Variants in NLRP1 observed in about 807,000 individuals in gnomAD.
NLRP1 encodes the protein NACHT, LRR and PYD domains-containing protein 1.
Under a neutral mutation model 136.7 loss-of-function variants are expected in NLRP1, and 94 were observed. That is an observed-to-expected ratio of 0.69 (90% confidence interval 0.58 to 0.82). The LOEUF is 0.82. Ranked by LOEUF, NLRP1 falls within the 40% of genes least tolerant of loss-of-function variation. The pLI is 0.00. For missense variants in NLRP1, 1,575 were observed against 1,802.7 expected (o/e 0.87, Z 2.29); for synonymous variants, 690 against 725.1 (o/e 0.95, Z 0.78).
chr17:5,501,702 G>C, exon 16 of NLRP1: 1 of 787,628 alleles, frequency 1.3e-6, no homozygotes, highest in Admixed American at 2.1e-5. Flanking sequence ...ATCCTTCAAA[G>C]ACCTGCCTCA....
At chr17:5,526,820 G>A (rs1048291648) in intron 12 of NLRP1, among the ~76,000 whole-genome samples, 2 of 152,244 alleles carry the variant, frequency 1.3e-5, no homozygotes, top group Non-Finnish European at 2.9e-5. Flanking sequence ...GGTCCTGCAG[G>A]AGGGTGAGAA....
rs201808181 is a variant in NLRP1, at chr17:5,536,888, C to T, written c.2923G>A (p.Glu975Lys). Residue 975 changes from glutamate (E) to lysine (K), a missense_variant, in exon 8 of 17, where the codon GAG (glutamate) becomes AAG (lysine). By Grantham distance (56) the Glu-to-Lys change is moderately conservative. Coordinates refer to ENST00000572272, the MANE Select transcript of NLRP1 (RefSeq NM_033004.4). Reference protein sequence around the residue: ...DEMRQELRALEQEKPQLLIFS... With the variant: ...DEMRQELRALKQEKPQLLIFS... ...ATGAGCAGCTGAGGTTTCTCCTGCTCCAGGGCCCTCAGTTCCTGCCTCATC... is the reference window on the plus strand; with the variant it reads ...ATGAGCAGCTGAGGTTTCTCCTGCTTCAGGGCCCTCAGTTCCTGCCTCATC... The T allele has an allele frequency of 5.0e-6, 8 of 1,613,692 alleles. No homozygotes were observed. The highest frequency in any genetic ancestry group is 1.3e-5 in the African/African-American group (1 of 74,908).
chr17:5,533,054 T>C (rs1210864303), intron 10 of NLRP1, 70 bp from the exon 11 acceptor site: 13 of 1,503,478 alleles, frequency 8.6e-6, no homozygotes, highest in South Asian at 6.6e-5. Flanking sequence ...ATGGCTGCAC[T>C]GTAAGGGGCC....
chr17:5,570,559 A>G (rs1167741534), intron 3 of NLRP1, among the ~76,000 whole-genome samples: 1 of 152,176 alleles, frequency 6.6e-6, no homozygotes, highest in Non-Finnish European at 1.5e-5. Flanking sequence ...TAAAACTCTG[A>G]ACAGAGCAAT....
At position 5,541,428 on chromosome 17, in the gene NLRP1, A is replaced by G. The variant is rs1933220077; in HGVS notation, c.2699+429T>C. ...GAACTAAGTGGACACCAGTGATTTC[A>G]GCTCTCCATGGCAGAACCCCATGCC... On this transcript the variant is annotated intron_variant, in intron 6 of 16. Transcript: ENST00000572272. The surrounding 1 kb of genome is among the most constrained non-coding windows in gnomAD (Gnocchi z 4.2). 6.6e-6 allele frequency among the ~76,000 whole-genome samples: 1 copy of G among 152,150 alleles called. No individual in the cohort carries two copies. The highest frequency in any genetic ancestry group is 1.5e-5 in the Non-Finnish European group (1 of 68,022).
intron 8 of NLRP1, among the ~76,000 whole-genome samples, chr17:5,535,571 T>C (rs753319577): frequency 2.6e-5 from 4 of 152,200 alleles, no homozygotes; most frequent in Non-Finnish European, 5.9e-5. Context: ...GCGCAGACAC[T>C]TCTGGGATAA....
At chr17:5,553,855 C>CTTT (rs71856538) in intron 4 of NLRP1, among the ~76,000 whole-genome samples, 273 of 144,490 alleles carry the variant, frequency 1.9e-3, no homozygotes, top group African/African-American at 4.7e-3. Context: ...AGACATTTGT[C>CTTT]TTTTTTTTTT....
At chr17:5,552,684 C>G (rs1322896196) in intron 5 of NLRP1, among the ~76,000 whole-genome samples, 1 of 152,182 alleles carries the variant, frequency 6.6e-6, no homozygotes, top group Non-Finnish European at 1.5e-5. Context: ...TTTTATAGCT[C>G]TCTTACATCT....
intron 2 of NLRP1, 76 bp from the exon 3 acceptor site, chr17:5,582,138 A>T: frequency 8.4e-7 from 1 of 1,189,710 alleles, no homozygotes; most frequent in Non-Finnish European, 1.2e-6. Context: ...TTAAACTCTC[A>T]CAACAGTCCT....
chr17:5,532,470 G>A (rs886753827), intron 11 of NLRP1, among the ~76,000 whole-genome samples: 2 of 151,794 alleles, frequency 1.3e-5, no homozygotes, highest in African/African-American at 4.9e-5. Flanking sequence ...AAAATCACCC[G>A]ATGTCTTGGA....
At chr17:5,574,471 T>C (rs1487211755) in intron 3 of NLRP1, among the ~76,000 whole-genome samples, 2 of 151,964 alleles carry the variant, frequency 1.3e-5, no homozygotes, top group Admixed American at 1.3e-4. Context: ...ACAAAGATAC[T>C]CCTTAAGAAG....
intron 3 of NLRP1, among the ~76,000 whole-genome samples, chr17:5,570,022 A>G (rs1211946344): frequency 6.6e-6 from 1 of 152,210 alleles, no homozygotes; most frequent in African/African-American, 2.4e-5. Context: ...GCTTTTGGGT[A>G]AACAATGAAA....
chr17:5,557,312 C>T (rs1914203170), intron 4 of NLRP1, among the ~76,000 whole-genome samples: 1 of 148,762 alleles, frequency 6.7e-6, no homozygotes, highest in African/African-American at 2.5e-5. Flanking sequence ...GCCTACATAT[C>T]TTTTTTTTTT....
At chr17:5,540,414 C>T (rs181028235) in intron 6 of NLRP1, among the ~76,000 whole-genome samples, 2 of 152,236 alleles carry the variant, frequency 1.3e-5, no homozygotes. Flanking sequence ...ATCCTCTGCT[C>T]TTGGGGTCTC....
In NLRP1 at chr17:5,583,944, G is replaced by A; in HGVS notation, c.14C>T (p.Ala5Val). The A allele has an allele frequency of 6.2e-7, 1 of 1,609,174 alleles. No individual in the cohort carries two copies. The highest frequency in any genetic ancestry group is 8.5e-7 in the Non-Finnish European group (1 of 1,177,762). The change falls in exon 1 of 17, where the codon GCC becomes GTC. Residue 5 changes from alanine (A) to valine (V), a missense_variant. By Grantham distance (64) the Ala-to-Val change is moderately conservative (BLOSUM62 0). Coordinates refer to ENST00000572272, the MANE Select transcript of NLRP1 (RefSeq NM_033004.4). The surrounding 1 kb of genome is among the most constrained non-coding windows in gnomAD (Gnocchi z 4.5). ...CAAGTAACAGGCCAGGCGGCCCCAG[G>A]CTCCGCCAGCCATCTCTGTCCCGGA... is the stretch of plus-strand genomic sequence containing the variant. MAGG[A>V]WGRLACYLEF...
intron 12 of NLRP1, chr17:5,529,785 C>T (rs1444628037): frequency 3.3e-6 from 1 of 303,106 alleles, no homozygotes; most frequent in Admixed American, 4.8e-5. Flanking sequence ...ATATTATACA[C>T]ACTTATTTTA....
In NLRP1 at chr17:5,558,589, A is replaced by G. The variant is rs761418703; in HGVS notation, c.2107T>C (p.Trp703Arg). 6.2e-7 allele frequency: 1 copy of G among 1,614,044 alleles called. No homozygotes were observed. Among genetic ancestry groups the G allele is most frequent in the South Asian group, 1.1e-5 (1 of 91,074 alleles). The change falls in exon 4 of 17, where the codon TGG (tryptophan) becomes CGG (arginine). Residue 703 changes from tryptophan to arginine, a missense_variant. Transcript: ENST00000572272. Reference protein sequence around the residue: ...RLSQGRNLMQWVPSLQLLLQP... With the variant: ...RLSQGRNLMQRVPSLQLLLQP... Reference sequence around the variant, plus strand: ...AGCAGCAGCTGCAGGGACGGGACCCACTGCATCAGGTTCCTCCCCTGAGAC... The same window carrying G: ...AGCAGCAGCTGCAGGGACGGGACCCGCTGCATCAGGTTCCTCCCCTGAGAC...
chr17:5,584,429 C>T lies in NLRP1; in HGVS notation c.-472G>A, dbSNP rs200849970. ...TGGGCTTTCAGAACCCAGAGTGGAG[C>T]CCCGGGCTGCTGGCTCCCAGGTTTC... On this transcript the variant is annotated 5_prime_UTR_variant, in exon 1 of 17. Coordinates refer to ENST00000572272, the MANE Select transcript of NLRP1 (RefSeq NM_033004.4). 33 of 163,342 alleles carry T rather than the reference C, an allele frequency of 2.0e-4. No homozygotes were observed. Among genetic ancestry groups the T allele is most frequent in the Admixed American group, 4.1e-4 (7 of 16,942 alleles). The allele number at this position is 163,342 out of a possible 1,614,324, so 10.1% of individuals were successfully genotyped here. A position where few individuals can be genotyped will look rare whatever the true frequency, so the allele number is the denominator to read the frequency against.
chr17:5,507,766 G>A (rs1195473180), intron 15 of NLRP1, among the ~76,000 whole-genome samples: 1 of 152,132 alleles, frequency 6.6e-6, no homozygotes, highest in African/African-American at 2.4e-5. Context: ...GGGAGGCGGG[G>A]GTTGTAGTGA....
Sources: gnomAD v4.1 joint callset for allele counts (sites outside exome capture counted in the v4.1 genomes callset) on GRCh38, gnomAD v4.1.1 for gene constraint, Gnocchi (gnomAD v3.1) non-coding constraint, MANE v1.5 for transcripts, NCBI Gene and HGNC (gene_info 2026-07-23, HGNC 2026-07-21) for gene names.